Variants in BLTP1 observed in about 807,000 individuals in gnomAD.
BLTP1 encodes the protein fragile site-associated protein.
chr4:122,172,083 A>AT, the BLTP1 span, among the ~76,000 whole-genome samples: 846 of 150,018 alleles, frequency 5.6e-3, 10 homozygotes, highest in African/African-American at 0.019. Context: ...TTTTTCTAGA[A>AT]TTTTTTTTTT....
chr4:122,298,916 A>G, the BLTP1 span: 3 of 985,368 alleles, frequency 3.0e-6, no homozygotes, highest in Non-Finnish European at 3.6e-6. Context: ...GGAAAATTAT[A>G]AAGACTTGCA....
the BLTP1 span, chr4:122,186,098 C>T: frequency 4.3e-6 from 7 of 1,611,770 alleles, no homozygotes; most frequent in South Asian, 1.1e-5. Context: ...TGTCTATAAT[C>T]GCTCGGATCT....
the BLTP1 span, chr4:122,243,620 A>G: frequency 6.3e-6 from 2 of 319,240 alleles, no homozygotes; most frequent in East Asian, 3.4e-4. Flanking sequence ...ATAGTGGCGC[A>G]TGCCTGTAAT....
chr4:122,298,510 C>T, the BLTP1 span: 1 of 253,910 alleles, frequency 3.9e-6, no homozygotes. Context: ...GAAATTGCAA[C>T]CGTATCTTAG....
chr4:122,343,928 C>A, the BLTP1 span: 1 of 906,572 alleles, frequency 1.1e-6, no homozygotes, highest in Non-Finnish European at 1.3e-6. Flanking sequence ...ATTTATACAA[C>A]AAACTGCGTA....
the BLTP1 span, chr4:122,334,236 A>G: frequency 2.8e-6 from 3 of 1,057,914 alleles, no homozygotes; most frequent in Admixed American, 2.7e-5. Context: ...TTTAAAAGTT[A>G]AAACAGTCTT....
the BLTP1 span, chr4:122,246,955 T>C: frequency 2.9e-6 from 4 of 1,384,690 alleles, no homozygotes; most frequent in Non-Finnish European, 3.8e-6. Flanking sequence ...TCTTAATTTA[T>C]AGATTAGTAA....
chr4:122,333,427 T>C, the BLTP1 span: 2 of 153,996 alleles, frequency 1.3e-5, no homozygotes, highest in East Asian at 4.2e-4. Flanking sequence ...CATAAATGTC[T>C]TCTTTTGAGA....
At chr4:122,307,524 T>G in the BLTP1 span, 2 of 985,338 alleles carry the variant, frequency 2.0e-6, no homozygotes, top group Non-Finnish European at 2.4e-6. Context: ...CATCTTTGAC[T>G]TTTCTCTGTA....
chr4:122,187,255 G>T, the BLTP1 span: 24 of 978,800 alleles, frequency 2.5e-5, no homozygotes, highest in Non-Finnish European at 2.9e-5. Flanking sequence ...CCAGTAGACA[G>T]CTGTAGGAAT....
At chr4:122,326,067 C>A in the BLTP1 span, 1 of 200,754 alleles carries the variant, frequency 5.0e-6, no homozygotes, top group Non-Finnish European at 1.2e-5. Context: ...ATCTCATAAC[C>A]TCTTGCATGC....
the BLTP1 span, chr4:122,267,683 T>C: frequency 4.5e-6 from 4 of 886,162 alleles, no homozygotes; most frequent in African/African-American, 1.8e-5. Flanking sequence ...AAATGTAGCA[T>C]GGTAAAAGTT....
At chr4:122,350,341 G>A in the BLTP1 span, 3 of 985,082 alleles carry the variant, frequency 3.0e-6, no homozygotes, top group Non-Finnish European at 3.6e-6. Context: ...GTGTTTATGA[G>A]AATATCATGT....
At chr4:122,277,874 A>G in the BLTP1 span, among the ~76,000 whole-genome samples, 2 of 152,134 alleles carry the variant, frequency 1.3e-5, no homozygotes, top group Non-Finnish European at 2.9e-5. Flanking sequence ...TAAGGTGGAG[A>G]AGAAAAGAGT....
At chr4:122,271,523 A>G in the BLTP1 span, 3 of 1,613,522 alleles carry the variant, frequency 1.9e-6, no homozygotes, top group Non-Finnish European at 2.5e-6. Context: ...AAGAACATCA[A>G]AAGTGTCTAG....
chr4:122,207,976 A>G, the BLTP1 span: 6 of 984,432 alleles, frequency 6.1e-6, no homozygotes, highest in Non-Finnish European at 7.2e-6. Flanking sequence ...TTGATTCTTA[A>G]TTGTAAACAT....
chr4:122,194,238 A>G, the BLTP1 span, among the ~76,000 whole-genome samples: 6 of 152,314 alleles, frequency 3.9e-5, no homozygotes, highest in African/African-American at 1.4e-4. Flanking sequence ...TGTTATCTGT[A>G]GTATATAGGA....
the BLTP1 span, among the ~76,000 whole-genome samples, chr4:122,286,080 A>G: frequency 7.2e-5 from 11 of 152,214 alleles, no homozygotes; most frequent in African/African-American, 2.4e-4. Context: ...AGTGAGTACA[A>G]TTTAATTGAT....
At chr4:122,247,053 T>C in the BLTP1 span, 24 of 1,379,726 alleles carry the variant, frequency 1.7e-5, no homozygotes, top group Non-Finnish European at 2.1e-5. Flanking sequence ...TGGTGTATAA[T>C]AGTAGAGTGT....
Sources: gnomAD v4.1 joint callset for allele counts (sites outside exome capture counted in the v4.1 genomes callset) on GRCh38, gnomAD v4.1.1 for gene constraint, MANE v1.5 for transcripts, NCBI Gene and HGNC (gene_info 2026-07-23, HGNC 2026-07-21) for gene names.